RPS6KC1: variants seen among roughly 807,000 people sequenced by gnomAD.
The protein encoded by RPS6KC1 is ribosomal protein S6 kinase C1.
RPS6KC1 carries 54 observed loss-of-function variants against 103.8 expected under a neutral mutation model. That is an observed-to-expected ratio of 0.52 (90% CI 0.42 to 0.65). RPS6KC1 has a LOEUF of 0.65. Among genes scored for constraint, RPS6KC1 ranks in the 30% least tolerant of loss-of-function variants. The pLI is 0.00. For missense variants in RPS6KC1, 1,151 were observed against 1,253.8 expected, an observed-to-expected ratio of 0.92 and a Z score of 1.24; for synonymous variants, 439 against 438.7, an observed-to-expected ratio of 1.00 and a Z score of -0.01.
the RPS6KC1 span, among the ~76,000 whole-genome samples, chr1:213,661,531 A>G: frequency 1.3e-5 from 2 of 152,218 alleles, no homozygotes; most frequent in Non-Finnish European, 1.5e-5. Flanking sequence ...GATGTATGGT[A>G]AAGGTCAGTC....
the RPS6KC1 span, among the ~76,000 whole-genome samples, chr1:213,381,074 C>A: frequency 6.6e-6 from 1 of 152,106 alleles, no homozygotes; most frequent in Non-Finnish European, 1.5e-5. Context: ...GATTGGCGCT[C>A]GGAACAGTCA....
At chr1:213,568,111 G>A in the RPS6KC1 span, among the ~76,000 whole-genome samples, 10 of 152,164 alleles carry the variant, frequency 6.6e-5, no homozygotes, top group African/African-American at 2.4e-4. Flanking sequence ...GCTGAGTTTT[G>A]ACTAAGTTTT....
the RPS6KC1 span, among the ~76,000 whole-genome samples, chr1:213,801,804 G>A: frequency 3.3e-5 from 5 of 152,222 alleles, no homozygotes; most frequent in Admixed American, 1.3e-4. Flanking sequence ...GGGGCAAGTT[G>A]TTGGTGGAAG....
At chr1:213,400,014 G>T in the RPS6KC1 span, among the ~76,000 whole-genome samples, 35 of 152,182 alleles carry the variant, frequency 2.3e-4, no homozygotes, top group Non-Finnish European at 4.3e-4. Context: ...GGAGGGCTGG[G>T]CGCCGAATCA....
At chr1:213,311,299 C>T in the RPS6KC1 span, among the ~76,000 whole-genome samples, 5 of 151,986 alleles carry the variant, frequency 3.3e-5, no homozygotes, top group Admixed American at 6.6e-5. Context: ...CCACCACACC[C>T]GGCTAATTTT....
At chr1:213,088,223 A>G (rs1221731349) in intron 3 of RPS6KC1, among the ~76,000 whole-genome samples, 1 of 152,090 alleles carries the variant, frequency 6.6e-6, no homozygotes, top group Non-Finnish European at 1.5e-5. Context: ...ACCCAACCAC[A>G]CCTTCTCTAC....
chr1:213,717,584 TG>T, the RPS6KC1 span, among the ~76,000 whole-genome samples: 1 of 152,156 alleles, frequency 6.6e-6, no homozygotes, highest in Admixed American at 6.5e-5. Flanking sequence ...AAAGTTTGAA[TG>T]GTCAAGCAAA....
chr1:213,623,043 A>G, the RPS6KC1 span, among the ~76,000 whole-genome samples: 1 of 152,124 alleles, frequency 6.6e-6, no homozygotes, highest in Non-Finnish European at 1.5e-5. Flanking sequence ...CTATCTTCAG[A>G]TATGCCTCGA....
chr1:213,493,859 T>C, the RPS6KC1 span, among the ~76,000 whole-genome samples: 2 of 150,742 alleles, frequency 1.3e-5, no homozygotes, highest in Non-Finnish European at 3.0e-5. Context: ...CTGGAAATCA[T>C]GGCATGCCAT....
At chr1:213,774,057 T>A in the RPS6KC1 span, among the ~76,000 whole-genome samples, 1 of 152,210 alleles carries the variant, frequency 6.6e-6, no homozygotes, top group Non-Finnish European at 1.5e-5. Flanking sequence ...ATGTATTTTC[T>A]TCACTCACAT....
the RPS6KC1 span, among the ~76,000 whole-genome samples, chr1:213,634,588 A>G: frequency 3.9e-5 from 6 of 152,246 alleles, no homozygotes; most frequent in African/African-American, 1.4e-4. Context: ...CAGTGTGTAG[A>G]GGGAAATTTA....
chr1:213,387,698 C>G, the RPS6KC1 span, among the ~76,000 whole-genome samples: 11 of 152,298 alleles, frequency 7.2e-5, no homozygotes, highest in African/African-American at 2.4e-4. Context: ...TACATACACT[C>G]CTGTTAGCAG....
intron 8 of RPS6KC1, among the ~76,000 whole-genome samples, chr1:213,202,591 C>A (rs779205583): frequency 6.6e-6 from 1 of 151,900 alleles, no homozygotes; most frequent in Non-Finnish European, 1.5e-5. Context: ...CAAACCTGGG[C>A]GATAGAGTGA....
chr1:213,227,811 T>C (rs1050253503), intron 8 of RPS6KC1, among the ~76,000 whole-genome samples: 4 of 152,238 alleles, frequency 2.6e-5, no homozygotes, highest in Non-Finnish European at 5.9e-5. Context: ...TTATCATTTC[T>C]GTGCTTTGCC....
At chr1:213,658,700 T>C in the RPS6KC1 span, among the ~76,000 whole-genome samples, 1 of 152,214 alleles carries the variant, frequency 6.6e-6, no homozygotes, top group Non-Finnish European at 1.5e-5. Context: ...ATTGCATAAA[T>C]AGAGGGACTG....
the RPS6KC1 span, among the ~76,000 whole-genome samples, chr1:213,536,856 G>A: frequency 1.6e-4 from 25 of 152,274 alleles, no homozygotes; most frequent in Admixed American, 7.2e-4. Flanking sequence ...GAGACATGGC[G>A]TTTTATTAGG....
intron 5 of RPS6KC1, among the ~76,000 whole-genome samples, chr1:213,126,730 G>GGAATTCAC (rs1409945504): frequency 6.6e-6 from 1 of 152,096 alleles, no homozygotes; most frequent in African/African-American, 2.4e-5. Flanking sequence ...AAAATTATAA[G>GGAATTCAC]GAATTCACAC....
At chr1:213,144,872 C>T (rs897699544) in intron 6 of RPS6KC1, among the ~76,000 whole-genome samples, 7 of 151,864 alleles carry the variant, frequency 4.6e-5, no homozygotes, top group Non-Finnish European at 7.4e-5. Context: ...GTCAGGAGAT[C>T]GAGACCATCC....
intron 12 of RPS6KC1, among the ~76,000 whole-genome samples, chr1:213,247,784 GA>G (rs1316300044): frequency 6.6e-6 from 1 of 152,086 alleles, no homozygotes; most frequent in Non-Finnish European, 1.5e-5. Flanking sequence ...ACTCAAAATT[GA>G]AGTTCATCAT....
Sources: allele counts gnomAD v4.1 joint callset (sites outside exome capture counted in the v4.1 genomes callset), GRCh38; gene constraint gnomAD v4.1.1; transcripts MANE v1.5; gene names NCBI Gene and HGNC (gene_info 2026-07-23, HGNC 2026-07-21).